The following LYST variants were observed in gnomAD, a reference collection of about 807,000 sequenced individuals.
The protein encoded by LYST is lysosomal-trafficking regulator.
A neutral mutation model predicts 413.6 loss-of-function variants in LYST; 192 were observed. The observed-to-expected ratio is 0.46, with a 90% CI of 0.41 to 0.52. LYST has a LOEUF of 0.52. Ranked by LOEUF, LYST falls within the 20% of genes least tolerant of loss-of-function variation. The pLI is 0.00. For missense variants in LYST, 3,815 were observed against 4,499.9 expected, an observed-to-expected ratio of 0.85 and a Z score of 4.35; for synonymous variants, 1,525 against 1,567.3, an observed-to-expected ratio of 0.97 and a Z score of 0.64.
Position 235,731,161 on chromosome 1 carries a change from G to A in LYST, c.8818C>T (p.Pro2940Ser), listed in dbSNP as rs375839384. Residue 2940 changes from proline (P) to serine (S), a missense_variant, in exon 35 of 53, where the codon CCC (proline) becomes TCC (serine). Coordinates refer to ENST00000389793, the MANE Select transcript of LYST (RefSeq NM_000081.4). ...LTHDRAVWYD[P>S]IYYPTSWQLD... The stretch of plus-strand genomic sequence containing the variant: ...TGCCATGAGGTTGGATAGTAGATGG[G>A]GTCATACCATACTGCTCTGCAAGTA... The A allele has an allele frequency of 1.2e-5, 20 of 1,613,860 alleles. No homozygotes were observed. In the South Asian group the frequency reaches 2.0e-4, roughly 16 times the overall value.
intron 9 of LYST, 79 bp downstream of exon 9, chr1:235,800,792 C>T (rs2102823409): frequency 1.0e-6 from 1 of 973,696 alleles, no homozygotes; most frequent in Non-Finnish European, 1.6e-6. Context: ...TTCAGAAAAG[C>T]TGGGTTATAC....
chr1:235,712,231 C>A (rs1236713553), intron 42 of LYST, 34 bp from the exon 43 acceptor site: 2 of 1,478,460 alleles, frequency 1.4e-6, no homozygotes, highest in Non-Finnish European at 1.9e-6. Flanking sequence ...GATTAAGACA[C>A]AAAGACCTAA....
At chr1:235,683,348 T>C (rs917122552) in intron 48 of LYST, among the ~76,000 whole-genome samples, 3 of 152,222 alleles carry the variant, frequency 2.0e-5, no homozygotes, top group Non-Finnish European at 4.4e-5. Flanking sequence ...AGATAACAGA[T>C]ATATAGGTGT....
At chr1:235,840,413 G>A (rs1572420916) in intron 1 of LYST, among the ~76,000 whole-genome samples, 1 of 152,146 alleles carries the variant, frequency 6.6e-6, no homozygotes, top group Non-Finnish European at 1.5e-5. Flanking sequence ...GAGGATGGAG[G>A]GAGTGGCTGG....
At chr1:235,878,994 C>T (rs1342295322) in intron 1 of LYST, among the ~76,000 whole-genome samples, 5 of 152,110 alleles carry the variant, frequency 3.3e-5, no homozygotes, top group Non-Finnish European at 1.5e-5. Context: ...GAATAGTGAA[C>T]ATTGTACCCA....
chr1:235,873,954 A>G (rs1219316861), intron 1 of LYST, among the ~76,000 whole-genome samples: 1 of 152,262 alleles, frequency 6.6e-6, no homozygotes, highest in African/African-American at 2.4e-5. Flanking sequence ...ATGGTCTCTC[A>G]TTCAGAAGGA....
chr1:235,795,698 G>A (rs1050478012), intron 10 of LYST, among the ~76,000 whole-genome samples: 1 of 151,982 alleles, frequency 6.6e-6, no homozygotes, highest in Non-Finnish European at 1.5e-5. Context: ...GGCCAAAATA[G>A]AAAACAAATT....
At chr1:235,671,248 G>GT (rs1658918817) in intron 50 of LYST, among the ~76,000 whole-genome samples, 1 of 152,082 alleles carries the variant, frequency 6.6e-6, no homozygotes, top group African/African-American at 2.4e-5. Flanking sequence ...CAAAGTACCT[G>GT]TTTTTATGGA....
intron 34 of LYST, 73 bp from the exon 35 acceptor site, chr1:235,731,250 G>T: frequency 7.5e-7 from 1 of 1,332,840 alleles, no homozygotes; most frequent in South Asian, 1.2e-5. Context: ...AATCATTATA[G>T]AGATTGAGTA....
chr1:235,709,324 A>G lies in LYST; in HGVS notation c.9926-16T>C. The stretch of plus-strand genomic sequence containing the variant: ...AAATCAAAACCTAAAAGAGAAGATT[A>G]ATATTAATATTTAACTCCCCCACAG... On this transcript the variant is annotated splice_polypyrimidine_tract_variant and intron_variant, in intron 43 of 52. Transcript: ENST00000389793. 6.3e-7 allele frequency: 1 copy of G among 1,576,234 alleles called. No homozygotes were observed. Among genetic ancestry groups the G allele is most frequent in the African/African-American group, 1.4e-5 (1 of 73,600 alleles).
At chr1:235,788,597 G>T in intron 13 of LYST, 104 bp downstream of exon 13, 1 of 1,039,368 alleles carries the variant, frequency 9.6e-7, no homozygotes, top group Non-Finnish European at 1.5e-6. Flanking sequence ...GAGACTTTTT[G>T]TTTTGCTATA....
In LYST at chr1:235,783,911, G is replaced by A. The variant is rs565871968; in HGVS notation, c.4863-1824C>T. On this transcript the variant is annotated intron_variant, in intron 14 of 52. Coordinates refer to ENST00000389793, the MANE Select transcript of LYST (RefSeq NM_000081.4). ...TTCTTTTAAATTGAGACAGGGTCTC[G>A]CTCTGTCACCCAGGCTGAAGTGCAG... Among the ~76,000 whole-genome samples, 13 of 149,582 alleles carry A rather than the reference G, an allele frequency of 8.7e-5. No individual in the cohort carries two copies. The South Asian group carries it at 1.5e-3, about 17-fold the overall frequency.
In LYST at chr1:235,754,206, GCTAT is replaced by G. The variant is rs558906831; in HGVS notation, c.7230-936_7230-933del. On this transcript the variant is annotated intron_variant, in intron 25 of 52. Coordinates refer to ENST00000389793, the MANE Select transcript of LYST (RefSeq NM_000081.4). ...GTAATCTGTCACTGAGAATACATGA[GCTAT>G]CTTTTTTTCTTTTCTTTTCTTTTTT... Among the ~76,000 whole-genome samples, 984 of 148,826 alleles carry G rather than the reference GCTAT, an allele frequency of 6.6e-3. 7 individuals carry two copies. The highest frequency in any genetic ancestry group is 0.021 in the Middle Eastern group (6 of 280).
intron 5 of LYST, 54 bp downstream of exon 5, chr1:235,808,401 A>G (rs930461179): frequency 3.2e-6 from 5 of 1,550,870 alleles, no homozygotes; most frequent in Non-Finnish European, 4.4e-6. Context: ...AATGAAAAAG[A>G]TCTAGACATG....
rs546846639 is a variant in LYST, at chr1:235,799,862, G to A, written c.4006+458C>T. On this transcript the variant is annotated intron_variant, in intron 10 of 52. Transcript: ENST00000389793. The stretch of plus-strand genomic sequence containing the variant: ...GGCTATTTCATTGTGTGGATCTGAG[G>A]AACAAACGAGATAATGCATATAAAG... Among the ~76,000 whole-genome samples, 5 of 139,390 alleles carry A rather than the reference G, an allele frequency of 3.6e-5. No homozygotes were observed. The South Asian group carries it at 1.2e-3, about 32-fold the overall frequency. 91.4% of individuals were successfully genotyped at this position (139,390 alleles called of 152,430 possible).
At chr1:235,853,750 G>A (rs979021270) in intron 1 of LYST, among the ~76,000 whole-genome samples, 2 of 152,050 alleles carry the variant, frequency 1.3e-5, no homozygotes, top group Admixed American at 6.6e-5. Context: ...AACAAAGCTG[G>A]CCAGGAAATA....
At chr1:235,831,870 T>C (rs1009001819) in intron 2 of LYST, among the ~76,000 whole-genome samples, 1 of 152,178 alleles carries the variant, frequency 6.6e-6, no homozygotes, top group Non-Finnish European at 1.5e-5. Context: ...TATCCAACTT[T>C]AATATATTTC....
intron 44 of LYST, among the ~76,000 whole-genome samples, chr1:235,704,487 T>G (rs183840824): frequency 2.4e-3 from 366 of 152,358 alleles, no homozygotes; most frequent in Non-Finnish European, 4.0e-3. Flanking sequence ...GGTTTTGATT[T>G]GCATTTTTCT....
Position 235,753,223 on chromosome 1 carries a change from G to T in LYST, c.7281C>A (p.Val2427=). The T allele has an allele frequency of 6.2e-7, 1 of 1,610,586 alleles. No homozygotes were observed. The highest frequency in any genetic ancestry group is 1.1e-5 in the South Asian group (1 of 90,972). Residue 2427 remains valine (V), a synonymous_variant, in exon 26 of 53, where the codon GTC becomes GTA. Transcript: ENST00000389793. ...TCTCTATTAGTCCCAGAATAGGAAT[G>T]ACAGACCACTTCTGAAACAATCCCA... The part of the protein sequence containing the change: ...RNMGLFQKWS[V]IPILGLIETS...
Sources: gnomAD v4.1 joint callset for allele counts (sites outside exome capture counted in the v4.1 genomes callset) on GRCh38, gnomAD v4.1.1 for gene constraint, MANE v1.5 for transcripts, NCBI Gene and HGNC (gene_info 2026-07-23, HGNC 2026-07-21) for gene names.